FHIP1A: variants seen among roughly 807,000 people sequenced by gnomAD.
The protein encoded by FHIP1A is FHF complex subunit HOOK-interacting protein 1A.
Under a neutral mutation model 88.6 loss-of-function variants are expected in FHIP1A, and 61 were observed. The observed-to-expected ratio is 0.69, with a 90% CI of 0.56 to 0.85. FHIP1A has a LOEUF of 0.85. Among genes scored for constraint, FHIP1A ranks in the 40% least tolerant of loss-of-function variants. The pLI, the probability that FHIP1A is intolerant of heterozygous loss-of-function variation, is 0.00. For missense variants in FHIP1A, 1,154 were observed against 1,273.5 expected, an observed-to-expected ratio of 0.91 and a Z score of 1.43; for synonymous variants, 478 against 496.0, an observed-to-expected ratio of 0.96 and a Z score of 0.48.
At chr4:151,476,524 A>G (rs1026875800) in intron 2 of FHIP1A, among the ~76,000 whole-genome samples, 1 of 152,130 alleles carries the variant, frequency 6.6e-6, no homozygotes, top group Admixed American at 6.6e-5. Flanking sequence ...TGTTCATCTC[A>G]ACCTAAAACC....
At chr4:151,410,447 G>C (rs1330144752) in intron 1 of FHIP1A, among the ~76,000 whole-genome samples, 1 of 152,218 alleles carries the variant, frequency 6.6e-6, no homozygotes, top group Non-Finnish European at 1.5e-5. Context: ...ATCTCATTAG[G>C]AAGTCAGCTG....
chr4:151,562,930 T>C lies in FHIP1A; in HGVS notation c.-122-3208T>C, dbSNP rs190487472. On this transcript the variant is annotated intron_variant, in intron 3 of 13. Coordinates refer to ENST00000435205, the MANE Select transcript of FHIP1A (RefSeq NM_001109977.3). ...GCTAGAATCTGAGCTTTTATGATTA[T>C]ATGATATATTTTATAATTCTGTAAG... Among the ~76,000 whole-genome samples the C allele has an allele frequency of 4.9e-3, 740 of 152,266 alleles. 6 individuals are homozygous for C. The highest frequency in any genetic ancestry group is 5.3e-3 in the Non-Finnish European group (363 of 68,016).
chr4:151,509,618 A>C (rs1317186138), intron 3 of FHIP1A, among the ~76,000 whole-genome samples: 2 of 152,140 alleles, frequency 1.3e-5, no homozygotes, highest in African/African-American at 4.8e-5. Flanking sequence ...ACATAAGTAA[A>C]TAGTGGTCGG....
chr4:151,644,681 G>C (rs1254953423), intron 9 of FHIP1A, among the ~76,000 whole-genome samples: 1 of 152,142 alleles, frequency 6.6e-6, no homozygotes, highest in Non-Finnish European at 1.5e-5. Context: ...ATATATGCAT[G>C]AACAAATCTC....
rs1273475944 is a variant in FHIP1A, at chr4:151,651,348, G to A, written c.2551+756G>A. On this transcript the variant is annotated intron_variant, in intron 11 of 13. Transcript: ENST00000435205. ...CATTAAATATTAGCCAACAAAATCT[G>A]CATTTACAAATCATGGTGCAGAGGG... is the stretch of plus-strand genomic sequence containing the variant. Among the ~76,000 whole-genome samples, 3 of 152,330 alleles carry A rather than the reference G, an allele frequency of 2.0e-5. No individual in the cohort carries two copies. The East Asian group carries it at 5.8e-4, about 29-fold the overall frequency.
rs1737268677 is a variant in FHIP1A at position 151,656,957 on chromosome 4, A to G, written c.2869+59A>G. ...AATTCCTCCTCCACGTCCCTGGCCT[A>G]CTGGCCTCAGTTCACAGATGCTGCA... On this transcript the variant is annotated intron_variant, in intron 13 of 13. Transcript: ENST00000435205. This position sits in a 1 kb window ranked among gnomAD's most constrained non-coding sequence, Gnocchi z 4.2. 8 of 1,487,550 alleles carry G rather than the reference A, an allele frequency of 5.4e-6. No individual in the cohort carries two copies. Among genetic ancestry groups the G allele is most frequent in the South Asian group, 2.6e-5 (2 of 75,994 alleles). The allele number at this position is 1,487,550 out of a possible 1,614,324, so 92.1% of individuals were successfully genotyped here.
At chr4:151,635,711 G>GT (rs1173673833) in intron 8 of FHIP1A, among the ~76,000 whole-genome samples, 3 of 151,848 alleles carry the variant, frequency 2.0e-5, no homozygotes, top group Non-Finnish European at 3.0e-5. Flanking sequence ...TAAAATGATG[G>GT]TTTCCAGGAG....
rs1257772270 is a variant in FHIP1A, at chr4:151,663,331, T to C, written c.*577T>C. ...GTGTCGTCCCCAGCGTGTGTTGCCT[T>C]ATGGTGCCGGCAGAGCCTCAGCTAT... On this transcript the variant is annotated 3_prime_UTR_variant, in exon 14 of 14. Coordinates refer to ENST00000435205, the MANE Select transcript of FHIP1A (RefSeq NM_001109977.3). The C allele has an allele frequency of 1.3e-5, 2 of 152,212 alleles. No individual in the cohort carries two copies. The highest frequency in any genetic ancestry group is 2.9e-5 in the Non-Finnish European group (2 of 68,038). The allele number at this position is 152,212 out of a possible 1,614,324, so 9.4% of individuals were successfully genotyped here.
At chr4:151,511,601 T>C (rs574100456) in intron 3 of FHIP1A, among the ~76,000 whole-genome samples, 2 of 152,300 alleles carry the variant, frequency 1.3e-5, no homozygotes, top group East Asian at 3.9e-4. Flanking sequence ...GCTTTTCCCA[T>C]GGGCTTAAAA....
intron 3 of FHIP1A, among the ~76,000 whole-genome samples, chr4:151,529,994 G>T (rs1225206768): frequency 6.6e-6 from 1 of 152,120 alleles, no homozygotes; most frequent in Non-Finnish European, 1.5e-5. Context: ...GTTTTCCCTA[G>T]TGTCACACAA....
chr4:151,522,799 G>A (rs1421721916), intron 3 of FHIP1A, among the ~76,000 whole-genome samples: 1 of 152,014 alleles, frequency 6.6e-6, no homozygotes, highest in African/African-American at 2.4e-5. Context: ...TTCACAATAA[G>A]ATCTTGGGAG....
intron 2 of FHIP1A, 83 bp downstream of exon 2, chr4:151,454,891 C>T (rs1478253415): frequency 6.6e-6 from 1 of 151,902 alleles, no homozygotes; most frequent in African/African-American, 2.4e-5. Flanking sequence ...TGTTAATTTT[C>T]CTTGGCCCCT....
Position 151,638,702 on chromosome 4 carries a change from T to A in FHIP1A, c.1172T>A (p.Phe391Tyr), listed in dbSNP as rs954175830. 13 of 1,550,344 alleles carry A rather than the reference T, an allele frequency of 8.4e-6. No homozygotes were observed. The Admixed American group carries it at 9.8e-5, about 12-fold the overall frequency. Residue 391 changes from phenylalanine to tyrosine, a missense_variant, in exon 9 of 14, where the codon TTC becomes TAC. Phe to Tyr is a conservative substitution (Grantham distance 22, BLOSUM62 3). Coordinates refer to ENST00000435205, the MANE Select transcript of FHIP1A (RefSeq NM_001109977.3). ...CTTTGTGTGGTGTCTCTGGCATTAT[T>A]CAGAACTCTCATTGGTTTACATTGT... ...FRLCVVSLAL[F>Y]RTLIGLHCED...
intron 3 of FHIP1A, among the ~76,000 whole-genome samples, chr4:151,561,349 C>A (rs1032942170): frequency 6.6e-5 from 10 of 152,088 alleles, no homozygotes; most frequent in African/African-American, 2.4e-4. Context: ...GAATAGGGGG[C>A]TATTAGATGC....
chr4:151,453,464 A>ACCC (rs1728865699), intron 1 of FHIP1A, among the ~76,000 whole-genome samples: 1 of 152,214 alleles, frequency 6.6e-6, no homozygotes, highest in African/African-American at 2.4e-5. Context: ...TAGGGATAAT[A>ACCC]ATGGAGATAA....
intron 3 of FHIP1A, among the ~76,000 whole-genome samples, chr4:151,494,368 C>A (rs967360482): frequency 5.3e-5 from 8 of 152,162 alleles, no homozygotes; most frequent in African/African-American, 1.4e-4. Context: ...AGGAGGAAGT[C>A]CAGCTTCAAT....
chr4:151,455,130 C>G lies in FHIP1A; in HGVS notation c.-248+322C>G, dbSNP rs973022048. On this transcript the variant is annotated intron_variant, in intron 2 of 13. Coordinates refer to ENST00000435205, the MANE Select transcript of FHIP1A (RefSeq NM_001109977.3). ...ACAAGTTCACAATGTTAAGGACCAA[C>G]AGTAGCATCATGAGGCTTAGTAAAA... 1.4e-4 allele frequency among the ~76,000 whole-genome samples: 22 copies of G among 152,298 alleles called. No individual in the cohort carries two copies. The Middle Eastern group carries it at 0.014, about 94-fold the overall frequency.
intron 1 of FHIP1A, among the ~76,000 whole-genome samples, chr4:151,441,793 G>A (rs746717852): frequency 5.9e-5 from 9 of 152,142 alleles, no homozygotes; most frequent in Non-Finnish European, 8.8e-5. Flanking sequence ...CTAGACAATG[G>A]CCTTCCATTC....
chr4:151,629,366 G>C (rs554565339), intron 7 of FHIP1A, among the ~76,000 whole-genome samples: 28 of 152,290 alleles, frequency 1.8e-4, no homozygotes, highest in African/African-American at 6.5e-4. Context: ...TACTAACCAT[G>C]TAAATACTTT....
Sources: gnomAD v4.1 joint callset for allele counts (sites outside exome capture counted in the v4.1 genomes callset) on GRCh38, gnomAD v4.1.1 for gene constraint, Gnocchi (gnomAD v3.1) non-coding constraint, MANE v1.5 for transcripts, NCBI Gene and HGNC (gene_info 2026-07-23, HGNC 2026-07-21) for gene names.